Variants in TRPC4AP observed in about 807,000 individuals in gnomAD.
TRPC4AP encodes short transient receptor potential channel 4-associated protein.
A neutral mutation model predicts 99.0 loss-of-function variants in TRPC4AP; 45 were observed. The ratio of observed to expected loss-of-function variants is 0.45; its 90% confidence interval spans 0.36 to 0.58. The LOEUF (loss-of-function observed/expected upper bound fraction) is 0.58. TRPC4AP is among the 20% of genes least tolerant of loss of function. TRPC4AP has a pLI of 0.00. For synonymous variants in TRPC4AP, 408 were observed against 385.8 expected (o/e 1.06, Z -0.67); for missense variants, 879 against 985.3 (o/e 0.89, Z 1.44).
chr20:35,023,024 C>CAA (rs11475714), intron 8 of TRPC4AP, among the ~76,000 whole-genome samples: 19 of 135,132 alleles, frequency 1.4e-4, no homozygotes, highest in African/African-American at 4.0e-4. Context: ...TGGACTGTCT[C>CAA]AAAAAAAAAA....
chr20:35,055,703 C>G (rs1005470520), intron 4 of TRPC4AP, among the ~76,000 whole-genome samples: 2 of 152,214 alleles, frequency 1.3e-5, no homozygotes, highest in African/African-American at 4.8e-5. Flanking sequence ...CTCAATTGCT[C>G]TTGTTATAAA....
At chr20:35,092,214 G>C (rs945717247) in intron 1 of TRPC4AP, among the ~76,000 whole-genome samples, 1 of 151,888 alleles carries the variant, frequency 6.6e-6, no homozygotes, top group Non-Finnish European at 1.5e-5. Flanking sequence ...GAAATGCTCG[G>C]GAACCATTTG....
chr20:35,039,925 A>T (rs1338366415), intron 7 of TRPC4AP, among the ~76,000 whole-genome samples: 3 of 151,218 alleles, frequency 2.0e-5, no homozygotes, highest in Non-Finnish European at 3.0e-5. Context: ...AGATAATTAC[A>T]TGTAAATTAT....
chr20:35,029,852 G>A (rs2147321300), intron 8 of TRPC4AP, among the ~76,000 whole-genome samples: 1 of 147,286 alleles, frequency 6.8e-6, no homozygotes, highest in South Asian at 2.1e-4. Flanking sequence ...TAGCCAGGGT[G>A]GTCTCGATCT....
intron 1 of TRPC4AP, among the ~76,000 whole-genome samples, chr20:35,087,721 T>C (rs1445563999): frequency 6.6e-6 from 1 of 152,216 alleles, no homozygotes; most frequent in Non-Finnish European, 1.5e-5. Flanking sequence ...AAGCATCAAA[T>C]GTGCTGATGA....
chr20:35,076,043 A>G (rs1423017039), intron 2 of TRPC4AP, among the ~76,000 whole-genome samples: 1 of 152,068 alleles, frequency 6.6e-6, no homozygotes, highest in African/African-American at 2.4e-5. Flanking sequence ...CTTCCACTTG[A>G]TCGAATTGGC....
At chr20:35,027,532 A>C (rs912969989) in intron 8 of TRPC4AP, among the ~76,000 whole-genome samples, 2 of 152,212 alleles carry the variant, frequency 1.3e-5, no homozygotes, top group Non-Finnish European at 2.9e-5. Flanking sequence ...ATATGACCTC[A>C]AAGAGTAAGT....
chr20:35,076,168 T>C (rs963954721), intron 2 of TRPC4AP, among the ~76,000 whole-genome samples: 2 of 152,192 alleles, frequency 1.3e-5, no homozygotes, highest in Admixed American at 6.5e-5. Flanking sequence ...TCTAATCTTT[T>C]GTCAAGGTTT....
rs866738302 is a variant in TRPC4AP at position 35,018,623 on chromosome 20, A to G, written c.1219-2484T>C. Among the ~76,000 whole-genome samples the G allele has an allele frequency of 6.8e-3, 1,005 of 147,014 alleles. 12 individuals are homozygous for G. The highest frequency in any genetic ancestry group is 0.022 in the African/African-American group (805 of 37,326). On this transcript the variant is annotated intron_variant, in intron 9 of 18. Transcript: ENST00000252015. ...AAAAAAGAAAAAAAAAAAAAAAAAA[A>G]AAAGAAAGAAAGAAAATAGCAGCTT...
At chr20:35,057,971 C>T (rs560793779) in intron 3 of TRPC4AP, among the ~76,000 whole-genome samples, 1 of 152,260 alleles carries the variant, frequency 6.6e-6, no homozygotes, top group East Asian at 1.9e-4. Context: ...CTGATTTCTA[C>T]AGGTTTGGGG....
intron 1 of TRPC4AP, among the ~76,000 whole-genome samples, chr20:35,084,768 G>GTA (rs1023539391): frequency 1.4e-4 from 19 of 138,556 alleles, no homozygotes; most frequent in Non-Finnish European, 2.5e-4. Context: ...ATATGTATAT[G>GTA]TATATATATA....
intron 1 of TRPC4AP, among the ~76,000 whole-genome samples, chr20:35,092,044 G>A (rs889915992): frequency 4.3e-4 from 65 of 152,106 alleles, no homozygotes; most frequent in Non-Finnish European, 5.0e-4. Flanking sequence ...TGTGGGAGAC[G>A]GGCGAGAAAA....
rs546325122 is a variant in TRPC4AP, at chr20:35,091,110, T to C, written c.168+1504A>G. Among the ~76,000 whole-genome samples, 7 of 151,360 alleles carry C rather than the reference T, an allele frequency of 4.6e-5. No individual in the cohort carries two copies. The East Asian group carries it at 1.2e-3, about 25-fold the overall frequency. On this transcript the variant is annotated intron_variant, in intron 1 of 18. Coordinates refer to ENST00000252015, the MANE Select transcript of TRPC4AP (RefSeq NM_015638.3). ...TCAATCTCCGCCTCCCAGGCTCAGG[T>C]AATCCTCCCACCTCAGCCTCCCCAC...
intron 7 of TRPC4AP, among the ~76,000 whole-genome samples, chr20:35,035,609 T>C (rs554353148): frequency 1.4e-4 from 21 of 152,218 alleles, no homozygotes; most frequent in Non-Finnish European, 2.6e-4. Flanking sequence ...GAATTTACCA[T>C]AACGAAATAA....
intron 10 of TRPC4AP, 57 bp from the exon 11 acceptor site, chr20:35,013,123 C>T: frequency 6.5e-7 from 1 of 1,528,046 alleles, no homozygotes. Flanking sequence ...TCCAAAATAA[C>T]ACAAGCAGAC....
In TRPC4AP at chr20:35,034,635, T is replaced by G. The variant is rs368499122; in HGVS notation, c.1051+488A>C. Among the ~76,000 whole-genome samples, 508 of 152,300 alleles carry G rather than the reference T, an allele frequency of 3.3e-3. 3 individuals carry two copies. Among genetic ancestry groups the G allele is most frequent in the African/African-American group, 0.011 (476 of 41,570 alleles). ...TCTGAACCTGCTGGCCAGAGTCAAA[T>G]GCTTTAAGGCTGGGCACCTAACCAA... On this transcript the variant is annotated intron_variant, in intron 8 of 18. Transcript: ENST00000252015.
intron 1 of TRPC4AP, 77 bp from the exon 2 acceptor site, chr20:35,078,251 A>C (rs2084537364): frequency 6.7e-7 from 1 of 1,498,948 alleles, no homozygotes; most frequent in African/African-American, 1.4e-5. Flanking sequence ...AGAGCAGCCG[A>C]CTTCCAAACC....
chr20:35,033,690 T>TA (rs1210098124), intron 8 of TRPC4AP, among the ~76,000 whole-genome samples: 2 of 152,048 alleles, frequency 1.3e-5, no homozygotes, highest in Non-Finnish European at 2.9e-5. Flanking sequence ...ACCCTGTTCT[T>TA]AATTAAGAAG....
At chr20:35,056,564 T>TA (rs1224832921) in intron 4 of TRPC4AP, among the ~76,000 whole-genome samples, 72 of 149,958 alleles carry the variant, frequency 4.8e-4, no homozygotes, top group Middle Eastern at 3.4e-3. Context: ...CGTATTGGGG[T>TA]AAAAAAAAAA....
Sources: gnomAD v4.1 joint callset for allele counts (sites outside exome capture counted in the v4.1 genomes callset) on GRCh38, gnomAD v4.1.1 for gene constraint, MANE v1.5 for transcripts, NCBI Gene and HGNC (gene_info 2026-07-23, HGNC 2026-07-21) for gene names.